The following MDFI variants were observed in gnomAD, a reference collection of about 807,000 sequenced individuals.
MDFI encodes the protein inhibitor of MyoD family a.
Under a neutral mutation model 22.3 loss-of-function variants are expected in MDFI, and 16 were observed. The ratio of observed to expected loss-of-function variants is 0.72; its 90% CI spans 0.49 to 1.09. MDFI has a LOEUF of 1.09. Among genes scored for constraint, MDFI ranks in the 50% least tolerant of loss-of-function variants. The probability of loss-of-function intolerance (pLI) is 0.00; values close to 1 mark genes in which losing one functional copy is unlikely to be tolerated. For missense variants in MDFI, 314 were observed against 326.1 expected (o/e 0.96, Z 0.29); for synonymous variants, 145 against 142.7 (o/e 1.02, Z -0.12).
Position 41,653,475 on chromosome 6 carries a change from T to C in MDFI, c.641T>C (p.Leu214Pro), listed in dbSNP as rs1170705167. The C allele has an allele frequency of 6.2e-7, 1 of 1,603,808 alleles. No homozygotes were observed. The highest frequency in any genetic ancestry group is 8.5e-7 in the Non-Finnish European group (1 of 1,179,946). ...CGSGECADCD[L>P]PCDLDCGILD... Reference sequence around the variant, plus strand: ...TCTGGCGAGTGTGCCGACTGCGACCTGCCCTGCGACCTGGACTGCGGCATC... The same window carrying C: ...TCTGGCGAGTGTGCCGACTGCGACCCGCCCTGCGACCTGGACTGCGGCATC... Residue 214 changes from leucine (L) to proline (P), a missense_variant, in exon 5 of 5, where the codon CTG becomes CCG. Leu to Pro is a moderately conservative substitution (Grantham distance 98). Coordinates refer to ENST00000230321, the MANE Select transcript of MDFI (RefSeq NM_005586.4). This position sits in a 1 kb window ranked among gnomAD's most constrained non-coding sequence, Gnocchi z 4.2.
chr6:41,642,545 TCTC>T (rs1767890977), intron 2 of MDFI, among the ~76,000 whole-genome samples: 1 of 152,182 alleles, frequency 6.6e-6, no homozygotes, highest in Non-Finnish European at 1.5e-5. Flanking sequence ...CCGGGCAGTG[TCTC>T]CTCTGCAGAC....
At position 41,647,286 on chromosome 6, in the gene MDFI, G is replaced by C. The variant is rs535417545; in HGVS notation, c.259+978G>C. Among the ~76,000 whole-genome samples the C allele has an allele frequency of 2.5e-3, 374 of 152,338 alleles. 1 individual carries two copies. Among genetic ancestry groups the C allele is most frequent in the African/African-American group, 7.8e-3 (323 of 41,582 alleles). ...TCTGTGAGCCCTGAGTGTTTGCTCT[G>C]TGACTCAGCCCCCACGGCCATGGCC... On this transcript the variant is annotated intron_variant, in intron 3 of 4. Coordinates refer to ENST00000230321, the MANE Select transcript of MDFI (RefSeq NM_005586.4).
chr6:41,644,482 G>A (rs554667756), intron 2 of MDFI, among the ~76,000 whole-genome samples: 240 of 152,254 alleles, frequency 1.6e-3, no homozygotes, highest in Middle Eastern at 3.4e-3. Context: ...CCTCTGGGGC[G>A]TCCATTCCCC....
chr6:41,651,812 G>A (rs550158228), intron 4 of MDFI, among the ~76,000 whole-genome samples: 12 of 152,326 alleles, frequency 7.9e-5, no homozygotes, highest in Admixed American at 3.3e-4. Context: ...GCTGCAGGAC[G>A]TGGGTTCTAG....
At chr6:41,645,368 C>T (rs925237351) in intron 2 of MDFI, among the ~76,000 whole-genome samples, 4 of 152,058 alleles carry the variant, frequency 2.6e-5, no homozygotes, top group African/African-American at 9.7e-5. Flanking sequence ...CCTCCTGCCG[C>T]CCCTGCACAG....
chr6:41,646,035 G>A, intron 2 of MDFI, 91 bp from the exon 3 acceptor site: 2 of 1,166,156 alleles, frequency 1.7e-6, no homozygotes, highest in East Asian at 2.8e-5. Flanking sequence ...TGAGGGTTCA[G>A]TGGGCATGCT....
chr6:41,645,698 C>G (rs2127431152), intron 2 of MDFI, among the ~76,000 whole-genome samples: 1 of 152,292 alleles, frequency 6.6e-6, no homozygotes, highest in African/African-American at 2.4e-5. Context: ...CGTGCCCAAT[C>G]TCTCGCAGTC....
chr6:41,638,649 A>G lies in MDFI; in HGVS notation c.-15A>G. 1.5e-6 allele frequency: 2 copies of G among 1,328,114 alleles called. No homozygotes were observed. Among genetic ancestry groups the G allele is most frequent in the Non-Finnish European group, 2.1e-6 (2 of 967,124 alleles). The allele number at this position is 1,328,114 out of a possible 1,614,324, so 82.3% of individuals were successfully genotyped here. A position where few individuals can be genotyped will look rare whatever the true frequency, so the allele number is the denominator to read the frequency against. ...TGGAAGAGAGCGTAGCACGGCTCGC[A>G]CGAGTGAGTGGACGTGGGAGGCGCG... On this transcript the variant is annotated 5_prime_UTR_variant, in exon 1 of 5. Coordinates refer to ENST00000230321, the MANE Select transcript of MDFI (RefSeq NM_005586.4). This position sits in a 1 kb window ranked among gnomAD's most constrained non-coding sequence, Gnocchi z 7.6.
At chr6:41,639,630 A>T in intron 2 of MDFI, 1 of 985,292 alleles carries the variant, frequency 1.0e-6, no homozygotes, top group East Asian at 1.1e-4. Context: ...GAAGTCAGGA[A>T]CCTCTGGGAT....
In MDFI at chr6:41,646,604, G is replaced by A. The variant is rs539102490; in HGVS notation, c.259+296G>A. Among the ~76,000 whole-genome samples, 125 of 152,284 alleles carry A rather than the reference G, an allele frequency of 8.2e-4. 1 individual carries two copies. The highest frequency in any genetic ancestry group is 3.4e-3 in the Middle Eastern group (1 of 294). On this transcript the variant is annotated intron_variant, in intron 3 of 4. Transcript: ENST00000230321. ...CCCCCTGCCTCAGGAAGAGAGCTAC[G>A]GGGCTGGGGTCCGGCAGGGAGCCAG...
intron 2 of MDFI, chr6:41,639,587 C>T (rs1254978506): frequency 1.0e-6 from 1 of 985,298 alleles, no homozygotes; most frequent in East Asian, 1.1e-4. Flanking sequence ...GATGCCTAAG[C>T]CGAAGCTCCC....
chr6:41,653,667 C>A lies in MDFI; in HGVS notation c.*92C>A. ...CCAGGCCCAGGACTGTCACACAAGG[C>A]TTGAGAAGCCCCCTCTCCCTGGTCC... is the stretch of plus-strand genomic sequence containing the variant. On this transcript the variant is annotated 3_prime_UTR_variant, in exon 5 of 5. Coordinates refer to ENST00000230321, the MANE Select transcript of MDFI (RefSeq NM_005586.4). This position sits in a 1 kb window ranked among gnomAD's most constrained non-coding sequence, Gnocchi z 4.2. 6.7e-7 allele frequency: 1 copy of A among 1,501,302 alleles called. No homozygotes were observed. The highest frequency in any genetic ancestry group is 1.8e-5 in the Admixed American group (1 of 55,804). The allele number at this position is 1,501,302 out of a possible 1,614,324, so 93.0% of individuals were successfully genotyped here. A position where few individuals can be genotyped will look rare whatever the true frequency, so the allele number is the denominator to read the frequency against.
chr6:41,643,416 C>T (rs569463177), intron 2 of MDFI, among the ~76,000 whole-genome samples: 1 of 152,104 alleles, frequency 6.6e-6, no homozygotes, highest in Non-Finnish European at 1.5e-5. Context: ...CTCCCCTAAC[C>T]GAGAACTCCG....
rs1265805159 is a variant in MDFI, at chr6:41,649,644, C to T, written c.285C>T (p.Gly95=). ...VTCQPQGNPL[G]CTPLLPNDSG... Reference sequence around the variant, plus strand: ...GCCAGCCTCAGGGGAACCCCTTGGGCTGCACCCCACTTCTGCCGAATGACT... The same window carrying T: ...GCCAGCCTCAGGGGAACCCCTTGGGTTGCACCCCACTTCTGCCGAATGACT... The change falls in exon 4 of 5, where the codon GGC becomes GGT. Residue 95 remains glycine (G), a synonymous_variant. Transcript: ENST00000230321. 6.2e-7 allele frequency: 1 copy of T among 1,610,368 alleles called. No homozygotes were observed. The highest frequency in any genetic ancestry group is 8.5e-7 in the Non-Finnish European group (1 of 1,177,728).
At chr6:41,640,347 C>A (rs1268083880) in intron 2 of MDFI, among the ~76,000 whole-genome samples, 3 of 152,180 alleles carry the variant, frequency 2.0e-5, no homozygotes, top group Non-Finnish European at 2.9e-5. Flanking sequence ...AAGCCATTCT[C>A]AGCTCCAGCA....
upstream of MDFI, chr6:41,638,404 C>A: frequency 4.2e-6 from 1 of 240,592 alleles, no homozygotes. The surrounding 1 kb of genome is among the most constrained non-coding windows in gnomAD (Gnocchi z 7.6). Flanking sequence ...GAGGGTGGGC[C>A]AGGGAAGAGG....
chr6:41,654,072 A>T lies in MDFI; in HGVS notation c.*497A>T, dbSNP rs2235837. 7.2e-3 allele frequency: 1,331 copies of T among 185,700 alleles called. 24 individuals are homozygous for T. Among genetic ancestry groups the T allele is most frequent in the East Asian group, 0.067 (516 of 7,738 alleles). 11.5% of individuals were successfully genotyped at this position (185,700 alleles called of 1,614,324 possible). ...CCAGCCCTCTCCAGTCTCCTTTCCT[A>T]GGCTTTTTTGGGGGCCTAACCCACG... is the stretch of plus-strand genomic sequence containing the variant. On this transcript the variant is annotated 3_prime_UTR_variant, in exon 5 of 5. Transcript: ENST00000230321.
chr6:41,643,035 T>C (rs1311985490), intron 2 of MDFI, among the ~76,000 whole-genome samples: 4 of 152,244 alleles, frequency 2.6e-5, no homozygotes, highest in East Asian at 1.9e-4. Context: ...CTCTCTACCA[T>C]AGGACTCACA....
rs1768047859 is a variant in MDFI at position 41,646,236 on chromosome 6, C to G, written c.187C>G (p.Gln63Glu). 1.9e-6 allele frequency: 3 copies of G among 1,587,696 alleles called. No individual in the cohort carries two copies. The East Asian group carries it at 7.1e-5, about 37-fold the overall frequency. Residue 63 changes from glutamine (Q) to glutamate (E), a missense_variant, in exon 3 of 5, where the codon CAA becomes GAA. By Grantham distance (29) the Gln-to-Glu change is conservative. Transcript: ENST00000230321. ...GGAGGAGGCGGCAACCCCCATGCCCCAAGGCAATGGCCCTGGCATCCCCCA... is the reference window on the plus strand; with the variant it reads ...GGAGGAGGCGGCAACCCCCATGCCCGAAGGCAATGGCCCTGGCATCCCCCA... ...SLEEAATPMP[Q>E]GNGPGIPQGL...
Sources: allele counts gnomAD v4.1 joint callset (sites outside exome capture counted in the v4.1 genomes callset), GRCh38; gene constraint gnomAD v4.1.1; non-coding constraint Gnocchi (gnomAD v3.1); transcripts MANE v1.5; gene names NCBI Gene and HGNC (gene_info 2026-07-23, HGNC 2026-07-21).